Variants in TUSC3 observed in about 807,000 individuals in gnomAD.
The protein encoded by TUSC3 is dolichyl-diphosphooligosaccharide--protein glycosyltransferase subunit TUSC3.
A neutral mutation model predicts 44.8 loss-of-function variants in TUSC3; 45 were observed. The observed-to-expected ratio is 1.00, with a 90% CI of 0.79 to 1.29. The LOEUF is 1.29. Ranked by LOEUF, TUSC3 falls within the 50% of genes most tolerant of loss-of-function variation. The probability of loss-of-function intolerance (pLI) is 0.00; values close to 1 mark genes in which losing one functional copy is unlikely to be tolerated. For synonymous variants in TUSC3, 212 were observed against 152.9 expected (o/e 1.39, Z -2.85); for missense variants, 519 against 437.9 (o/e 1.19, Z -1.65).
chr8:15,587,609 T>C (rs1347980101), intron 1 of TUSC3, among the ~76,000 whole-genome samples: 2 of 152,150 alleles, frequency 1.3e-5, no homozygotes, highest in African/African-American at 4.8e-5. Context: ...TTTGAACATA[T>C]ACAGTAATTT....
At chr8:15,464,662 T>G (rs1000532560) in intron 1 of TUSC3, among the ~76,000 whole-genome samples, 1 of 152,206 alleles carries the variant, frequency 6.6e-6, no homozygotes, top group African/African-American at 2.4e-5. Context: ...GTTGGAGATA[T>G]GGGACTTTAA....
intron 6 of TUSC3, among the ~76,000 whole-genome samples, chr8:15,720,780 A>G (rs1433787291): frequency 6.6e-6 from 1 of 152,154 alleles, no homozygotes; most frequent in East Asian, 1.9e-4. Flanking sequence ...GCATGATATA[A>G]TGGCACTAAG....
intron 1 of TUSC3, among the ~76,000 whole-genome samples, chr8:15,438,871 G>T (rs1331976372): frequency 2.0e-5 from 3 of 152,180 alleles, no homozygotes. Context: ...GAAACACACA[G>T]TACATTCAAT....
intron 1 of TUSC3, among the ~76,000 whole-genome samples, chr8:15,616,633 A>G (rs973913684): frequency 2.6e-5 from 4 of 152,336 alleles, no homozygotes; most frequent in East Asian, 1.9e-4. Flanking sequence ...TGTTAAAACT[A>G]TCAAGCTCAA....
chr8:15,787,107 A>ATTTATAATT, the TUSC3 span, among the ~76,000 whole-genome samples: 1 of 152,050 alleles, frequency 6.6e-6, no homozygotes, highest in African/African-American at 2.4e-5. Flanking sequence ...CTGTGAGTTA[A>ATTTATAATT]TTTATAATTT....
At chr8:15,570,072 T>G (rs1219430926) in intron 1 of TUSC3, among the ~76,000 whole-genome samples, 1 of 152,074 alleles carries the variant, frequency 6.6e-6, no homozygotes, top group Non-Finnish European at 1.5e-5. Flanking sequence ...ACCTTCAGGT[T>G]TATAAAAGAT....
intron 1 of TUSC3, among the ~76,000 whole-genome samples, chr8:15,474,964 T>C (rs1159757713): frequency 6.6e-6 from 1 of 152,196 alleles, no homozygotes; most frequent in Non-Finnish European, 1.5e-5. Context: ...GTCCCTTCTG[T>C]GACACTTGCA....
intron 1 of TUSC3, among the ~76,000 whole-genome samples, chr8:15,459,411 C>G (rs1449481980): frequency 6.6e-6 from 1 of 151,734 alleles, no homozygotes; most frequent in Non-Finnish European, 1.5e-5. Flanking sequence ...TACACTTTAA[C>G]CAATAAAATA....
the TUSC3 span, among the ~76,000 whole-genome samples, chr8:15,825,083 A>G: frequency 1.3e-5 from 2 of 152,136 alleles, no homozygotes. Context: ...CCATGCTATT[A>G]TGTCCTTTCA....
chr8:15,828,857 C>T, the TUSC3 span, among the ~76,000 whole-genome samples: 1 of 152,038 alleles, frequency 6.6e-6, no homozygotes. Context: ...CTTATTGTGC[C>T]ATTTGTTTCG....
intron 2 of TUSC3, among the ~76,000 whole-genome samples, chr8:15,507,810 T>A (rs982549232): frequency 6.6e-6 from 1 of 151,696 alleles, no homozygotes; most frequent in African/African-American, 2.4e-5. Flanking sequence ...AAACTATAGT[T>A]AAATAAAAAA....
intron 5 of TUSC3, among the ~76,000 whole-genome samples, chr8:15,672,693 CA>C (rs1219622488): frequency 1.3e-5 from 2 of 151,810 alleles, no homozygotes; most frequent in African/African-American, 4.8e-5. Flanking sequence ...TTTTTATAGC[CA>C]AAAAAAGTGA....
At chr8:15,821,433 T>C in the TUSC3 span, among the ~76,000 whole-genome samples, 1 of 150,718 alleles carries the variant, frequency 6.6e-6, no homozygotes, top group Non-Finnish European at 1.5e-5. Flanking sequence ...GTCTTTCCGA[T>C]GATTTGGAAG....
rs369285579 is a variant in TUSC3 at position 15,582,429 on chromosome 8, C to G, written c.139-40651C>G. Among the ~76,000 whole-genome samples, 12 of 152,156 alleles carry G rather than the reference C, an allele frequency of 7.9e-5. No homozygotes were observed. The South Asian group carries it at 1.2e-3, about 16-fold the overall frequency. On this transcript the variant is annotated intron_variant, in intron 1 of 10. Transcript: ENST00000503731. ...TTACTGTTATTGGAAATGGAAGATA[C>G]GTACCTTCATGCTATAATGAAGGAC...
At chr8:15,522,129 G>A (rs1445311364) in intron 2 of TUSC3, among the ~76,000 whole-genome samples, 1 of 152,102 alleles carries the variant, frequency 6.6e-6, no homozygotes, top group Non-Finnish European at 1.5e-5. Context: ...AAGCTTCAGG[G>A]AATCAGGTCA....
At chr8:15,685,822 C>G (rs908967870) in intron 6 of TUSC3, among the ~76,000 whole-genome samples, 1 of 151,202 alleles carries the variant, frequency 6.6e-6, no homozygotes, top group Non-Finnish European at 1.5e-5. Context: ...TAGTAAAAGA[C>G]AGGAGTATTT....
At chr8:15,747,461 CTT>C (rs74273434) in intron 8 of TUSC3, among the ~76,000 whole-genome samples, 28,658 of 151,650 alleles carry the variant, frequency 0.19, 3,519 homozygotes, top group Non-Finnish European at 0.28. Context: ...ATTTAAATAT[CTT>C]TGTCTTTTAT....
chr8:15,748,815 T>G, intron 9 of TUSC3: 1 of 487,334 alleles, frequency 2.1e-6, no homozygotes, highest in Non-Finnish European at 4.1e-6. Flanking sequence ...AATTCACTGT[T>G]CATTGTCTAA....
chr8:15,632,852 CA>C (rs1219661537), intron 2 of TUSC3, among the ~76,000 whole-genome samples: 2 of 152,132 alleles, frequency 1.3e-5, no homozygotes, highest in African/African-American at 4.8e-5. Flanking sequence ...CTGTGGGAAC[CA>C]ACTCCTATAT....
Sources: allele counts gnomAD v4.1 joint callset (sites outside exome capture counted in the v4.1 genomes callset), GRCh38; gene constraint gnomAD v4.1.1; transcripts MANE v1.5; gene names NCBI Gene and HGNC (gene_info 2026-07-23, HGNC 2026-07-21).